C4orf50: variants seen among roughly 807,000 people sequenced by gnomAD.
C4orf50 encodes uncharacterized protein C4orf50.
A neutral mutation model predicts 77.2 loss-of-function variants in C4orf50; 80 were observed. The observed-to-expected ratio is 1.04, with a 90% CI of 0.87 to 1.25. The LOEUF (loss-of-function observed/expected upper bound fraction) is 1.25, where lower values mean the gene tolerates loss of function less well. Ranked by LOEUF, C4orf50 falls within the 50% of genes most tolerant of loss-of-function variation. C4orf50 has a pLI of 0.00. For synonymous variants in C4orf50, 532 were observed against 465.3 expected (o/e 1.14, Z -1.84); for missense variants, 1,257 against 1,152.9 (o/e 1.09, Z -1.31).
At chr4:5,951,789 C>T (rs544372330) in intron 7 of C4orf50, among the ~76,000 whole-genome samples, 4 of 152,246 alleles carry the variant, frequency 2.6e-5, no homozygotes, top group African/African-American at 9.6e-5. Context: ...TCCGTCCGAC[C>T]TACCTTCTTG....
At chr4:5,964,938 G>A (rs7442168) in intron 33 of C4orf50, 86 bp downstream of exon 11, 415,956 of 1,339,512 alleles carry the variant, frequency 0.31, 66,846 homozygotes, top group Admixed American at 0.42. Flanking sequence ...GGTGTATATC[G>A]CTTGGATAAT....
intron 25 of C4orf50, among the ~76,000 whole-genome samples, chr4:5,995,990 C>G (rs2108797207): frequency 6.6e-6 from 1 of 152,258 alleles, no homozygotes; most frequent in South Asian, 2.1e-4. Flanking sequence ...TTGCAGCTAC[C>G]AGGGAGACCC....
intron 7 of C4orf50, among the ~76,000 whole-genome samples, chr4:5,910,713 G>C (rs924002868): frequency 2.0e-5 from 3 of 152,094 alleles, no homozygotes; most frequent in Non-Finnish European, 2.9e-5. Context: ...TCTTCTATGT[G>C]TGTAGCCCTG....
At chr4:5,959,776 T>C (rs1719172208) in intron 33 of C4orf50, 150 bp from the exon 12 acceptor site, 3 of 892,556 alleles carry the variant, frequency 3.4e-6, no homozygotes, top group South Asian at 1.8e-5. Flanking sequence ...TCCTCACACA[T>C]TGGCTCACTT....
At chr4:5,910,907 C>CTT (rs33913636) in intron 7 of C4orf50, among the ~76,000 whole-genome samples, 53,436 of 106,576 alleles carry the variant, frequency 0.5, 15,610 homozygotes, top group East Asian at 0.74. Flanking sequence ...CCCTTTCTTT[C>CTT]TTTTTTTTTT....
intron 25 of C4orf50, among the ~76,000 whole-genome samples, chr4:5,997,276 C>T (rs1721635685): frequency 6.6e-6 from 1 of 152,218 alleles, no homozygotes; most frequent in African/African-American, 2.4e-5. Flanking sequence ...AAAATGCTCG[C>T]TGAGCATCTA....
chr4:6,002,932 C>T (rs949994545), intron 25 of C4orf50, among the ~76,000 whole-genome samples: 3 of 152,236 alleles, frequency 2.0e-5, no homozygotes, highest in African/African-American at 4.8e-5. Flanking sequence ...CTGGCCATGT[C>T]GCTTGAGGAT....
At position 6,009,193 on chromosome 4, in the gene C4orf50, T is replaced by C. The variant is rs2108810600; in HGVS notation, c.427-661A>G. 6.6e-6 allele frequency among the ~76,000 whole-genome samples: 1 copy of C among 152,328 alleles called. No individual in the cohort carries two copies. The highest frequency in any genetic ancestry group is 1.9e-4 in the East Asian group (1 of 5,184). On this transcript the variant is annotated intron_variant, in intron 24 of 33. Coordinates refer to ENST00000531445, the Ensembl canonical transcript of C4orf50. This position sits in a 1 kb window ranked among gnomAD's most constrained non-coding sequence, Gnocchi z 5.6. ...CCTTTTCTTCTTTCATCTGCCCACC[T>C]GCCTGGCCTGGGAACACATCTGCCT...
At chr4:5,987,614 A>C (rs1577969077) in intron 28 of C4orf50, among the ~76,000 whole-genome samples, 2 of 151,502 alleles carry the variant, frequency 1.3e-5, no homozygotes, top group African/African-American at 4.8e-5. Context: ...GGAAGGCAGG[A>C]GGGGGAGAGC....
chr4:5,962,533 T>C (rs1451562706), intron 33 of C4orf50, among the ~76,000 whole-genome samples: 2 of 152,210 alleles, frequency 1.3e-5, no homozygotes, highest in African/African-American at 4.8e-5. Flanking sequence ...GAGCTCCAGA[T>C]TGGAACTTTG....
rs1722340631 is a variant in C4orf50 at position 6,008,385 on chromosome 4, G to A, written c.574C>T (p.Arg192Trp). ...TCCCGCAGGACGCGCTCCTGCTCCCGCACCAGGCCCAGCTGGCGCCGCTGG... is the reference window on the plus strand; with the variant it reads ...TCCCGCAGGACGCGCTCCTGCTCCCACACCAGGCCCAGCTGGCGCCGCTGG... The change falls in exon 25 of 34, where the codon CGG becomes TGG. Residue 192 changes from arginine (R) to tryptophan (W), a missense_variant. Physicochemically the swap from Arg to Trp is moderately radical, Grantham distance 101. Coordinates refer to ENST00000531445, the Ensembl canonical transcript of C4orf50. The surrounding 1 kb of genome is among the most constrained non-coding windows in gnomAD (Gnocchi z 6.0). 2 of 393,360 alleles carry A rather than the reference G, an allele frequency of 5.1e-6. No homozygotes were observed. The highest frequency in any genetic ancestry group is 9.0e-6 in the Non-Finnish European group (2 of 222,720). 24.4% of individuals were successfully genotyped at this position (393,360 alleles called of 1,614,324 possible).
intron 7 of C4orf50, among the ~76,000 whole-genome samples, chr4:5,914,802 G>A (rs1188128035): frequency 6.6e-6 from 1 of 152,192 alleles, no homozygotes; most frequent in Non-Finnish European, 1.5e-5. Context: ...ACAAGGCTGA[G>A]TCAGTAAGTT....
chr4:5,930,775 G>A (rs1023415468), intron 7 of C4orf50, among the ~76,000 whole-genome samples: 1 of 152,186 alleles, frequency 6.6e-6, no homozygotes, highest in East Asian at 1.9e-4. Flanking sequence ...CGTCTCCCCT[G>A]GGAGCACGTG....
At chr4:5,993,343 A>C (rs1408914891) in intron 26 of C4orf50, among the ~76,000 whole-genome samples, 1 of 152,246 alleles carries the variant, frequency 6.6e-6, no homozygotes, top group Non-Finnish European at 1.5e-5. Context: ...AGATAAAGGG[A>C]AAACGCTGGT....
At position 6,011,848 on chromosome 4, in the gene C4orf50, C is replaced by G. The variant is rs567112397; in HGVS notation, c.408G>C (p.Gln136His). The change falls in exon 24 of 34, where the codon CAG becomes CAC. Residue 136 changes from glutamine (Q) to histidine (H), a missense_variant. Gln to His is a conservative substitution (Grantham distance 24). Transcript: ENST00000531445. The surrounding 1 kb of genome is among the most constrained non-coding windows in gnomAD (Gnocchi z 4.2). ...ACGGTACCTGGCTGGCCAGCTCCCCCTGCAGCGCCGCCAGCTTCTCCTGGG... is the reference window on the plus strand; with the variant it reads ...ACGGTACCTGGCTGGCCAGCTCCCCGTGCAGCGCCGCCAGCTTCTCCTGGG... The G allele has an allele frequency of 1.8e-5, 7 of 399,116 alleles. No individual in the cohort carries two copies. The highest frequency in any genetic ancestry group is 6.2e-5 in the African/African-American group (3 of 48,768). The allele number at this position is 399,116 out of a possible 1,614,324, so 24.7% of individuals were successfully genotyped here.
At chr4:5,959,123 G>C in exon 34 of C4orf50, 4 of 477,672 alleles carry the variant, frequency 8.4e-6, no homozygotes, top group Non-Finnish European at 1.1e-5. Context: ...TCATTCAATA[G>C]GTTTTGGTAC....
chr4:5,965,095 A>G (rs1310581662), exon 33 of C4orf50: 2 of 1,613,642 alleles, frequency 1.2e-6, no homozygotes, highest in African/African-American at 1.3e-5. Flanking sequence ...TCTGAAGACA[A>G]TGAGCTTTGG....
At position 6,009,100 on chromosome 4, in the gene C4orf50, T is replaced by G. The variant is rs1246108230; in HGVS notation, c.427-568A>C. Among the ~76,000 whole-genome samples the G allele has an allele frequency of 6.6e-6, 1 of 152,048 alleles. No homozygotes were observed. Among genetic ancestry groups the G allele is most frequent in the Non-Finnish European group, 1.5e-5 (1 of 68,010 alleles). ...TACTAGCCTGAGAGACACTCAGGAG[T>G]GACTTGCATATCACGCAGCTAAAAT... On this transcript the variant is annotated intron_variant, in intron 24 of 33. Transcript: ENST00000531445. This position sits in a 1 kb window ranked among gnomAD's most constrained non-coding sequence, Gnocchi z 5.6.
chr4:5,937,175 A>C lies in C4orf50; in HGVS notation c.*2474+19726T>G, dbSNP rs182048023. On this transcript the variant is annotated intron_variant, in intron 7 of 7. Transcript: ENST00000324058. Reference sequence around the variant, plus strand: ...AAAATACAAGAAAGAACGGCAACTAAAGAAACTGGTAAATCTAAAAAAGTA... The same window carrying C: ...AAAATACAAGAAAGAACGGCAACTACAGAAACTGGTAAATCTAAAAAAGTA... Among the ~76,000 whole-genome samples, 9 of 152,290 alleles carry C rather than the reference A, an allele frequency of 5.9e-5. No individual in the cohort carries two copies. The East Asian group carries it at 1.5e-3, about 26-fold the overall frequency.
Sources: allele counts gnomAD v4.1 joint callset (sites outside exome capture counted in the v4.1 genomes callset), GRCh38; gene constraint gnomAD v4.1.1; non-coding constraint Gnocchi (gnomAD v3.1); transcripts MANE v1.5; gene names NCBI Gene and HGNC (gene_info 2026-07-23, HGNC 2026-07-21).